Variants in ME1 observed in about 807,000 individuals in gnomAD.
ME1 encodes NADP-dependent malic enzyme.
A neutral mutation model predicts 66.4 loss-of-function variants in ME1; 74 were observed. The observed-to-expected ratio is 1.11, with a 90% confidence interval of 0.92 to 1.35. The LOEUF is 1.35. Among genes scored for constraint, ME1 ranks in the 40% most tolerant of loss-of-function variants. ME1 has a pLI of 0.00. For missense variants in ME1, 750 were observed against 694.1 expected (o/e 1.08, Z -0.90); for synonymous variants, 251 against 235.6 (o/e 1.07, Z -0.60).
intron 5 of ME1, among the ~76,000 whole-genome samples, chr6:83,326,813 G>A (rs1184682836): frequency 6.6e-6 from 1 of 152,132 alleles, no homozygotes; most frequent in Non-Finnish European, 1.5e-5. Context: ...CAACCACTAT[G>A]GAAGACAGTG....
intron 6 of ME1, among the ~76,000 whole-genome samples, chr6:83,276,083 T>C (rs1320126639): frequency 6.6e-6 from 1 of 152,098 alleles, no homozygotes; most frequent in Admixed American, 6.5e-5. Flanking sequence ...CATTTTTTAG[T>C]TTAATCTGCA....
chr6:83,247,237 C>A (rs1790640810), intron 7 of ME1, among the ~76,000 whole-genome samples: 1 of 151,986 alleles, frequency 6.6e-6, no homozygotes, highest in Non-Finnish European at 1.5e-5. Context: ...CTTTTTGTAG[C>A]TTATTTTAAA....
chr6:83,275,633 T>G (rs1446163677), intron 6 of ME1, among the ~76,000 whole-genome samples: 1 of 148,816 alleles, frequency 6.7e-6, no homozygotes, highest in African/African-American at 2.5e-5. Flanking sequence ...CCTGGCTAAT[T>G]TTTTTGTATT....
intron 6 of ME1, among the ~76,000 whole-genome samples, chr6:83,278,435 A>C (rs1265954843): frequency 6.6e-6 from 1 of 152,122 alleles, no homozygotes; most frequent in Non-Finnish European, 1.5e-5. Flanking sequence ...CCATTTAAAA[A>C]ATTTGATTGT....
chr6:83,277,738 C>T (rs1335488215), intron 6 of ME1, among the ~76,000 whole-genome samples: 1 of 151,714 alleles, frequency 6.6e-6, no homozygotes, highest in African/African-American at 2.4e-5. Context: ...CCCGTCACTA[C>T]CAAAAATACA....
chr6:83,419,324 C>G (rs552387231), intron 1 of ME1, among the ~76,000 whole-genome samples: 4 of 152,124 alleles, frequency 2.6e-5, no homozygotes, highest in Non-Finnish European at 5.9e-5. Flanking sequence ...GACTACCAGG[C>G]AAATCATAGA....
chr6:83,214,077 G>A (rs1026488604), intron 13 of ME1, among the ~76,000 whole-genome samples: 4 of 152,028 alleles, frequency 2.6e-5, no homozygotes, highest in African/African-American at 9.7e-5. Context: ...AATTATTTTT[G>A]TAAATTTACT....
intron 6 of ME1, among the ~76,000 whole-genome samples, chr6:83,284,160 A>G (rs1767355888): frequency 6.6e-6 from 1 of 152,206 alleles, no homozygotes; most frequent in East Asian, 1.9e-4. Flanking sequence ...TCCTGGAAAC[A>G]CACAACTTCC....
At chr6:83,323,867 A>C (rs1583380917) in intron 5 of ME1, among the ~76,000 whole-genome samples, 1 of 152,162 alleles carries the variant, frequency 6.6e-6, no homozygotes, top group South Asian at 2.1e-4. Flanking sequence ...TCTCCATCCC[A>C]AATCAACAGA....
At chr6:83,307,283 T>G (rs1299106387) in intron 6 of ME1, among the ~76,000 whole-genome samples, 2 of 151,500 alleles carry the variant, frequency 1.3e-5, no homozygotes, top group African/African-American at 4.9e-5. Context: ...TTAAGGAAAA[T>G]ATGGCTATAG....
At chr6:83,321,438 G>T (rs943680120) in intron 5 of ME1, among the ~76,000 whole-genome samples, 2 of 152,118 alleles carry the variant, frequency 1.3e-5, no homozygotes, top group Admixed American at 6.5e-5. Flanking sequence ...ACAGCAGTCA[G>T]ACCTGGGACA....
chr6:83,278,331 A>G (rs1331114679), intron 6 of ME1, among the ~76,000 whole-genome samples: 1 of 152,248 alleles, frequency 6.6e-6, no homozygotes, highest in African/African-American at 2.4e-5. Context: ...CCACACTTTC[A>G]TAAGTTTTAT....
chr6:83,260,785 C>A (rs944905999), intron 6 of ME1, among the ~76,000 whole-genome samples: 6 of 152,186 alleles, frequency 3.9e-5, no homozygotes, highest in Non-Finnish European at 5.9e-5. Context: ...AGGATGTGAT[C>A]TCACTCTTTT....
chr6:83,237,692 C>T (rs1468338805), intron 9 of ME1, 25 bp downstream of exon 9: 2 of 1,378,692 alleles, frequency 1.5e-6, no homozygotes, highest in Admixed American at 1.9e-5. Flanking sequence ...TATCTTTATT[C>T]TGGTTAAAAA....
intron 3 of ME1, among the ~76,000 whole-genome samples, chr6:83,378,587 A>C (rs1769338433): frequency 1.3e-5 from 2 of 152,168 alleles, no homozygotes; most frequent in South Asian, 4.1e-4. Flanking sequence ...TTAAAGTATC[A>C]AACTAGAAGG....
chr6:83,409,476 T>C (rs144587417), intron 1 of ME1, among the ~76,000 whole-genome samples: 2 of 152,312 alleles, frequency 1.3e-5, no homozygotes, highest in East Asian at 1.9e-4. Flanking sequence ...CAAACCCTGA[T>C]TGGTTAGGAA....
chr6:83,344,289 CAAA>C (rs11402376), intron 5 of ME1, among the ~76,000 whole-genome samples: 2 of 106,010 alleles, frequency 1.9e-5, no homozygotes, highest in Admixed American at 8.9e-5. Flanking sequence ...CTATCTCTTA[CAAA>C]AAAAAAAAAA....
chr6:83,378,315 G>C (rs1769332733), intron 3 of ME1, among the ~76,000 whole-genome samples: 1 of 152,080 alleles, frequency 6.6e-6, no homozygotes, highest in Non-Finnish European at 1.5e-5. Flanking sequence ...ATTCTAGCAA[G>C]AGAGAAAGAA....
chr6:83,273,176 CAA>C (rs67482208), intron 6 of ME1, among the ~76,000 whole-genome samples: 162 of 70,168 alleles, frequency 2.3e-3, no homozygotes, highest in Non-Finnish European at 3.4e-3. Context: ...GACTCTGCCT[CAA>C]AAAAAAAAAA....
Sources: allele counts gnomAD v4.1 joint callset (sites outside exome capture counted in the v4.1 genomes callset), GRCh38; gene constraint gnomAD v4.1.1; transcripts MANE v1.5; gene names NCBI Gene and HGNC (gene_info 2026-07-23, HGNC 2026-07-21).